The following RERE variants were observed in gnomAD, a reference collection of about 807,000 sequenced individuals.
RERE encodes arginine-glutamic acid dipeptide repeats protein.
A neutral mutation model predicts 146.1 loss-of-function variants in RERE; 40 were observed. The ratio of observed to expected loss-of-function variants is 0.27; its 90% CI spans 0.21 to 0.36. RERE has a LOEUF of 0.36. RERE is among the 10% of genes least tolerant of loss of function. The pLI is 1.00. For missense variants in RERE, 1,933 were observed against 2,138.7 expected (o/e 0.90, Z 1.90); for synonymous variants, 1,003 against 866.0 (o/e 1.16, Z -2.78).
chr1:8,573,039 G>GA (rs1646241313), intron 4 of RERE, among the ~76,000 whole-genome samples: 1 of 152,150 alleles, frequency 6.6e-6, no homozygotes. Context: ...GACCTAGGAG[G>GA]AAACCTAAAT....
chr1:8,386,022 ATTTTTTTTTTTTTTT>A (rs60050106), intron 12 of RERE, among the ~76,000 whole-genome samples: 2 of 26,636 alleles, frequency 7.5e-5, no homozygotes, highest in African/African-American at 1.6e-4. Flanking sequence ...ATATATATAT[ATTTTTTTTTTTTTTT>A]TTTTTTTTTT....
At chr1:8,669,454 G>A (rs1007860626) in intron 1 of RERE, among the ~76,000 whole-genome samples, 5 of 152,102 alleles carry the variant, frequency 3.3e-5, no homozygotes, top group African/African-American at 4.8e-5. Context: ...TCTCAACAAA[G>A]CTGTTTTAAA....
intron 7 of RERE, among the ~76,000 whole-genome samples, chr1:8,523,046 C>T (rs1489175110): frequency 6.6e-6 from 1 of 151,924 alleles, no homozygotes; most frequent in Admixed American, 6.6e-5. Flanking sequence ...GGTGTGGTGG[C>T]GCCCACCTGT....
intron 1 of RERE, among the ~76,000 whole-genome samples, chr1:8,669,671 AAG>A (rs1638670141): frequency 6.6e-6 from 1 of 152,230 alleles, no homozygotes; most frequent in Admixed American, 6.5e-5. Flanking sequence ...CTGAGAATGA[AAG>A]AGAGCCTTCT....
rs189253893 is a variant in RERE, at chr1:8,661,475, T to A, written c.-144-5034A>T. On this transcript the variant is annotated intron_variant, in intron 1 of 22. Transcript: ENST00000400908. ...GCAAAGAAAGGCATGATCTGACTTC[T>A]GTTTACCGGAGATCACTCTGGCCGC... is the stretch of plus-strand genomic sequence containing the variant. Among the ~76,000 whole-genome samples, 7 of 152,286 alleles carry A rather than the reference T, an allele frequency of 4.6e-5. No individual in the cohort carries two copies. The East Asian group carries it at 1.4e-3, about 29-fold the overall frequency.
intron 1 of RERE, among the ~76,000 whole-genome samples, chr1:8,732,802 ATTTTTCTT>A (rs756105534): frequency 1.1e-5 from 1 of 94,974 alleles, no homozygotes; most frequent in African/African-American, 4.2e-5. Context: ...CCAATTTTCA[ATTTTTCTT>A]TTTTTTTTTT....
chr1:8,656,844 G>A (rs1293248709), intron 1 of RERE, among the ~76,000 whole-genome samples: 1 of 152,120 alleles, frequency 6.6e-6, no homozygotes, highest in African/African-American at 2.4e-5. Flanking sequence ...CAGGCACTGC[G>A]GCTCATGCCT....
intron 10 of RERE, among the ~76,000 whole-genome samples, chr1:8,476,385 C>G (rs1398766937): frequency 1.3e-5 from 2 of 152,152 alleles, no homozygotes; most frequent in African/African-American, 4.8e-5. Flanking sequence ...CTGGTGGGAG[C>G]AATGGGTACG....
chr1:8,757,162 A>C (rs1346560327), intron 1 of RERE, among the ~76,000 whole-genome samples: 1 of 152,054 alleles, frequency 6.6e-6, no homozygotes, highest in African/African-American at 2.4e-5. Flanking sequence ...AAGATAATGA[A>C]GCTACTTGTC....
At chr1:8,785,940 T>A (rs905153415) in intron 1 of RERE, among the ~76,000 whole-genome samples, 4 of 152,064 alleles carry the variant, frequency 2.6e-5, no homozygotes, top group Non-Finnish European at 5.9e-5. Flanking sequence ...GCTGTTTTTT[T>A]AAATACTGGT....
At chr1:8,509,325 A>G (rs1645298571) in intron 7 of RERE, among the ~76,000 whole-genome samples, 1 of 152,120 alleles carries the variant, frequency 6.6e-6, no homozygotes. Flanking sequence ...TCTTCCGTTC[A>G]AAACATCTCA....
chr1:8,577,240 T>C (rs1338250738), intron 4 of RERE, among the ~76,000 whole-genome samples: 2 of 152,148 alleles, frequency 1.3e-5, no homozygotes, highest in African/African-American at 2.4e-5. Flanking sequence ...TATAAATGTA[T>C]TACCTATTCA....
intron 11 of RERE, chr1:8,424,253 C>A (rs1178619830): frequency 2.0e-5 from 3 of 152,262 alleles, no homozygotes; most frequent in Admixed American, 6.5e-5. Flanking sequence ...ACTTCCCCGG[C>A]CGCCGCTTCA....
At chr1:8,778,236 T>C (rs975994815) in intron 1 of RERE, among the ~76,000 whole-genome samples, 43 of 152,242 alleles carry the variant, frequency 2.8e-4, no homozygotes, top group Non-Finnish European at 4.4e-5. Context: ...AAAGTCTTTC[T>C]GCTGTATTCA....
At chr1:8,670,974 G>A (rs1330983385) in intron 1 of RERE, among the ~76,000 whole-genome samples, 1 of 152,136 alleles carries the variant, frequency 6.6e-6, no homozygotes, top group East Asian at 1.9e-4. Context: ...CGCACGTGGT[G>A]TGAGAAAAAA....
intron 12 of RERE, among the ~76,000 whole-genome samples, chr1:8,372,749 C>T (rs1642089543): frequency 6.6e-6 from 1 of 152,184 alleles, no homozygotes; most frequent in Admixed American, 6.5e-5. Flanking sequence ...CTTGCCCATG[C>T]AGACAGAGGG....
At chr1:8,762,394 A>C (rs983522576) in intron 1 of RERE, among the ~76,000 whole-genome samples, 20 of 152,228 alleles carry the variant, frequency 1.3e-4, no homozygotes, top group Admixed American at 9.8e-4. Flanking sequence ...AAAAATTACA[A>C]ATCAGCTTTC....
At chr1:8,630,925 CCT>C (rs1259061325) in intron 2 of RERE, among the ~76,000 whole-genome samples, 6 of 152,158 alleles carry the variant, frequency 3.9e-5, no homozygotes, top group Non-Finnish European at 8.8e-5. Flanking sequence ...TCTTTGTTCC[CCT>C]CTTTTTTAAA....
At chr1:8,760,877 G>T (rs1036812850) in intron 1 of RERE, among the ~76,000 whole-genome samples, 1 of 152,186 alleles carries the variant, frequency 6.6e-6, no homozygotes, top group African/African-American at 2.4e-5. Flanking sequence ...CATTTATGGA[G>T]CACTTCTTAT....
Sources: allele counts gnomAD v4.1 joint callset (sites outside exome capture counted in the v4.1 genomes callset), GRCh38; gene constraint gnomAD v4.1.1; transcripts MANE v1.5; gene names NCBI Gene and HGNC (gene_info 2026-07-23, HGNC 2026-07-21).